The following CALN1 variants were observed in gnomAD, a reference collection of about 807,000 sequenced individuals.
CALN1 encodes the protein calcium-binding protein 8.
In CALN1, 17 loss-of-function variants were observed where a neutral mutation model predicts 30.6. The observed-to-expected ratio is 0.56, with a 90% CI of 0.38 to 0.83. The LOEUF is 0.83. CALN1 is among the 40% of genes least tolerant of loss of function. The pLI is 0.00. For synonymous variants in CALN1, 156 were observed against 131.4 expected (o/e 1.19, Z -1.28); for missense variants, 291 against 354.9 (o/e 0.82, Z 1.45).
At chr7:72,380,705 TTAGA>T (rs370157902) in intron 2 of CALN1, among the ~76,000 whole-genome samples, 43 of 114,674 alleles carry the variant, frequency 3.7e-4, no homozygotes, top group Middle Eastern at 5.4e-3. Flanking sequence ...ATACATTAGA[TTAGA>T]TAGATAGATA....
At chr7:72,046,036 G>A (rs1446073974) in intron 4 of CALN1, among the ~76,000 whole-genome samples, 1 of 150,198 alleles carries the variant, frequency 6.7e-6, no homozygotes, top group African/African-American at 2.5e-5. Context: ...ACTAAGGCCA[G>A]GTGCAGGAGC....
At chr7:71,893,383 C>G (rs1793359122) in intron 5 of CALN1, among the ~76,000 whole-genome samples, 1 of 152,072 alleles carries the variant, frequency 6.6e-6, no homozygotes, top group Admixed American at 6.6e-5. Context: ...AGTGTACAAT[C>G]TAGTTGAAAT....
intron 5 of CALN1, among the ~76,000 whole-genome samples, chr7:72,009,801 C>T (rs58863475): frequency 6.6e-6 from 1 of 152,146 alleles, no homozygotes; most frequent in Non-Finnish European, 1.5e-5. Context: ...GTAAGACATG[C>T]CTTTCACCTT....
intron 5 of CALN1, among the ~76,000 whole-genome samples, chr7:71,875,845 T>C (rs1308851321): frequency 6.6e-6 from 1 of 152,206 alleles, no homozygotes; most frequent in African/African-American, 2.4e-5. Context: ...AGTGGTCTGT[T>C]GGCACTTTTG....
chr7:71,920,627 A>T (rs1336814161), intron 5 of CALN1, among the ~76,000 whole-genome samples: 1 of 151,978 alleles, frequency 6.6e-6, no homozygotes, highest in Non-Finnish European at 1.5e-5. Flanking sequence ...GAGCCACAGC[A>T]CCCGGCCGAC....
At chr7:72,341,143 T>C (rs1239708214) in intron 2 of CALN1, among the ~76,000 whole-genome samples, 1 of 152,164 alleles carries the variant, frequency 6.6e-6, no homozygotes, top group African/African-American at 2.4e-5. Flanking sequence ...ATCCCTTAGT[T>C]TGGATGAATG....
chr7:71,984,690 A>G (rs554876200), intron 5 of CALN1, among the ~76,000 whole-genome samples: 9 of 152,320 alleles, frequency 5.9e-5, no homozygotes, highest in African/African-American at 2.2e-4. Flanking sequence ...TGGGAGACCC[A>G]TGGCAGGAGT....
At chr7:72,208,297 C>T (rs1471900974) in intron 3 of CALN1, among the ~76,000 whole-genome samples, 1 of 152,222 alleles carries the variant, frequency 6.6e-6, no homozygotes, top group Non-Finnish European at 1.5e-5. Context: ...TAAGTTTACA[C>T]AATCACAAGT....
At chr7:71,860,083 T>C (rs1347339316) in intron 5 of CALN1, among the ~76,000 whole-genome samples, 3 of 152,128 alleles carry the variant, frequency 2.0e-5, no homozygotes, top group South Asian at 2.1e-4. Flanking sequence ...GTAGAGCATA[T>C]CTCCCAGGAT....
At chr7:72,313,920 C>T (rs1389276532) in intron 2 of CALN1, among the ~76,000 whole-genome samples, 1 of 152,174 alleles carries the variant, frequency 6.6e-6, no homozygotes, top group Non-Finnish European at 1.5e-5. Flanking sequence ...ATGGTAACCA[C>T]AGGGTGGACA....
intron 3 of CALN1, among the ~76,000 whole-genome samples, chr7:72,209,938 G>A (rs1792273532): frequency 6.6e-6 from 1 of 152,070 alleles, no homozygotes; most frequent in East Asian, 1.9e-4. Flanking sequence ...GTACCTATGG[G>A]ATACTTCAAT....
chr7:72,331,799 C>T (rs1223204439), intron 2 of CALN1, among the ~76,000 whole-genome samples: 2 of 152,084 alleles, frequency 1.3e-5, no homozygotes, highest in East Asian at 3.9e-4. Context: ...CATCCCATCA[C>T]CCAGGTATTA....
chr7:72,151,235 G>T (rs1216314653), intron 3 of CALN1, among the ~76,000 whole-genome samples: 1 of 152,130 alleles, frequency 6.6e-6, no homozygotes, highest in African/African-American at 2.4e-5. Context: ...GCAAGAATCT[G>T]TTCCATGCCT....
At chr7:71,928,815 T>G (rs1795401999) in intron 5 of CALN1, among the ~76,000 whole-genome samples, 1 of 151,914 alleles carries the variant, frequency 6.6e-6, no homozygotes, top group Non-Finnish European at 1.5e-5. Context: ...GCAGATCACT[T>G]GAGGTCAGGA....
At chr7:72,023,180 G>A (rs1022190210) in intron 5 of CALN1, among the ~76,000 whole-genome samples, 11 of 152,102 alleles carry the variant, frequency 7.2e-5, no homozygotes, top group African/African-American at 2.7e-4. Context: ...AATTTCCTAA[G>A]AGATTTTACA....
intron 2 of CALN1, among the ~76,000 whole-genome samples, chr7:72,312,309 C>G (rs1169106171): frequency 7.4e-5 from 11 of 147,984 alleles, no homozygotes; most frequent in African/African-American, 2.8e-4. Context: ...GAGGCTGAGG[C>G]AGGAGAATCA....
intron 5 of CALN1, among the ~76,000 whole-genome samples, chr7:71,881,773 T>C (rs1272495548): frequency 6.6e-6 from 1 of 152,100 alleles, no homozygotes; most frequent in African/African-American, 2.4e-5. Flanking sequence ...TTTATTCTTT[T>C]ATAGCTTTGG....
chr7:71,829,853 T>C (rs1363543768), intron 5 of CALN1, among the ~76,000 whole-genome samples: 3 of 152,132 alleles, frequency 2.0e-5, no homozygotes, highest in Admixed American at 2.0e-4. Context: ...ACAGAGAAAA[T>C]TCCCCATTGC....
chr7:72,073,795 G>C (rs1804556652), intron 4 of CALN1, among the ~76,000 whole-genome samples: 1 of 151,992 alleles, frequency 6.6e-6, no homozygotes, highest in African/African-American at 2.4e-5. Flanking sequence ...CTGGACTCAA[G>C]TGATCCTGTC....
Sources: allele counts gnomAD v4.1 joint callset (sites outside exome capture counted in the v4.1 genomes callset), GRCh38; gene constraint gnomAD v4.1.1; transcripts MANE v1.5; gene names NCBI Gene and HGNC (gene_info 2026-07-23, HGNC 2026-07-21).